LUZP2: variants seen among roughly 807,000 people sequenced by gnomAD.
LUZP2 encodes leucine zipper protein 2.
In LUZP2, 52 loss-of-function variants were observed where a neutral mutation model predicts 51.6. The observed-to-expected ratio is 1.01, with a 90% CI of 0.81 to 1.27. LUZP2 has a LOEUF of 1.27. LUZP2 is among the 50% of genes most tolerant of loss of function. LUZP2 has a pLI of 0.00. For missense variants in LUZP2, 436 were observed against 395.4 expected (o/e 1.10, Z -0.87); for synonymous variants, 154 against 137.3 (o/e 1.12, Z -0.85).
At chr11:24,582,536 G>A (rs1030891472) in intron 1 of LUZP2, among the ~76,000 whole-genome samples, 2 of 151,954 alleles carry the variant, frequency 1.3e-5, no homozygotes, top group African/African-American at 2.4e-5. Flanking sequence ...TTTATGTAAA[G>A]TAAAAATGAA....
chr11:24,998,862 G>C (rs2133938821), intron 9 of LUZP2, among the ~76,000 whole-genome samples: 1 of 152,034 alleles, frequency 6.6e-6, no homozygotes, highest in South Asian at 2.1e-4. Context: ...ATACTGTCAT[G>C]CATGCAGTCG....
intron 4 of LUZP2, among the ~76,000 whole-genome samples, chr11:24,740,508 T>G (rs1170239868): frequency 6.6e-6 from 1 of 152,126 alleles, no homozygotes; most frequent in Non-Finnish European, 1.5e-5. Context: ...AACTCATAAC[T>G]TAATATGTGC....
intron 5 of LUZP2, among the ~76,000 whole-genome samples, chr11:24,834,451 T>C (rs1017248307): frequency 6.6e-6 from 1 of 152,222 alleles, no homozygotes; most frequent in Non-Finnish European, 1.5e-5. Context: ...TGCATAGTAT[T>C]CCATGGTGTA....
intron 5 of LUZP2, among the ~76,000 whole-genome samples, chr11:24,774,902 A>T (rs1175766443): frequency 2.0e-5 from 3 of 149,302 alleles, no homozygotes; most frequent in African/African-American, 7.4e-5. Context: ...CCTCTAGAGA[A>T]TCGTGACTAA....
At chr11:24,980,488 A>G (rs973555199) in intron 8 of LUZP2, among the ~76,000 whole-genome samples, 13 of 151,662 alleles carry the variant, frequency 8.6e-5, no homozygotes, top group African/African-American at 3.1e-4. Context: ...TTCTCTTGTA[A>G]CAAAACACTA....
intron 5 of LUZP2, among the ~76,000 whole-genome samples, chr11:24,893,654 C>T (rs916879090): frequency 8.6e-5 from 13 of 151,796 alleles, no homozygotes; most frequent in East Asian, 5.8e-4. Context: ...ATATGGAAAG[C>T]GTTTTATTTT....
intron 7 of LUZP2, among the ~76,000 whole-genome samples, chr11:24,918,099 T>A (rs1853860396): frequency 6.6e-6 from 1 of 152,104 alleles, no homozygotes; most frequent in Non-Finnish European, 1.5e-5. Flanking sequence ...TTGAAGCAAT[T>A]GTGAATGGGA....
chr11:24,534,446 C>G (rs894427590), intron 1 of LUZP2, among the ~76,000 whole-genome samples: 1 of 140,332 alleles, frequency 7.1e-6, no homozygotes, highest in East Asian at 2.0e-4. Flanking sequence ...ATTTCTCTAT[C>G]TAGAAAGATA....
chr11:25,035,093 A>G (rs573533832), intron 9 of LUZP2, among the ~76,000 whole-genome samples: 1 of 152,230 alleles, frequency 6.6e-6, no homozygotes, highest in Non-Finnish European at 1.5e-5. Context: ...TGAAAATCAA[A>G]AAGCTTGAAC....
At chr11:24,642,773 TC>T (rs372101441) in intron 1 of LUZP2, among the ~76,000 whole-genome samples, 7 of 149,444 alleles carry the variant, frequency 4.7e-5, no homozygotes, top group East Asian at 1.9e-4. Context: ...AAGTGGTTTT[TC>T]TTTTGCCAAG....
chr11:24,826,004 T>G (rs1321479919), intron 5 of LUZP2, among the ~76,000 whole-genome samples: 5 of 151,218 alleles, frequency 3.3e-5, no homozygotes, highest in African/African-American at 7.3e-5. Context: ...AAACCCTGTC[T>G]CTACTAAAAA....
chr11:25,025,220 C>G (rs979638706), intron 9 of LUZP2, among the ~76,000 whole-genome samples: 1 of 152,134 alleles, frequency 6.6e-6, no homozygotes, highest in East Asian at 1.9e-4. Flanking sequence ...CAATACCATT[C>G]AGGTCATAGG....
At chr11:24,911,299 CT>C (rs1358596132) in intron 6 of LUZP2, among the ~76,000 whole-genome samples, 1 of 152,064 alleles carries the variant, frequency 6.6e-6, no homozygotes, top group Non-Finnish European at 1.5e-5. Flanking sequence ...GTTGGAAGGA[CT>C]GTTTTGAAAT....
chr11:25,040,065 A>C (rs2134004757), intron 9 of LUZP2, among the ~76,000 whole-genome samples: 1 of 152,264 alleles, frequency 6.6e-6, no homozygotes, highest in South Asian at 2.1e-4. Flanking sequence ...ACAACCTATA[A>C]ATATATAAAA....
chr11:25,054,370 G>T (rs1226093777), intron 10 of LUZP2, among the ~76,000 whole-genome samples: 1 of 151,962 alleles, frequency 6.6e-6, no homozygotes, highest in East Asian at 1.9e-4. Flanking sequence ...TCATGCTTTT[G>T]ATATATCTAA....
At chr11:24,826,450 G>A (rs902907662) in intron 5 of LUZP2, among the ~76,000 whole-genome samples, 23 of 151,180 alleles carry the variant, frequency 1.5e-4, no homozygotes, top group Non-Finnish European at 3.2e-4. Flanking sequence ...ACACTATGTC[G>A]AGCCTTCCTC....
chr11:24,976,687 A>G (rs778268137), intron 8 of LUZP2, 22 bp downstream of exon 8: 2 of 1,186,782 alleles, frequency 1.7e-6, no homozygotes. Context: ...TTCATGAACC[A>G]TTACAACTGT....
At chr11:24,729,480 A>G (rs184172041) in intron 2 of LUZP2, among the ~76,000 whole-genome samples, 194 bp downstream of exon 2, 1 of 152,136 alleles carries the variant, frequency 6.6e-6, no homozygotes, top group African/African-American at 2.4e-5. Flanking sequence ...TTTAACAAAT[A>G]CAGAAATGGG....
At chr11:25,016,210 A>G (rs894134119) in intron 9 of LUZP2, among the ~76,000 whole-genome samples, 1 of 151,902 alleles carries the variant, frequency 6.6e-6, no homozygotes, top group Non-Finnish European at 1.5e-5. Context: ...GTGAGCCACC[A>G]TGCCTGGCCA....
Sources: allele counts gnomAD v4.1 joint callset (sites outside exome capture counted in the v4.1 genomes callset), GRCh38; gene constraint gnomAD v4.1.1; transcripts MANE v1.5; gene names NCBI Gene and HGNC (gene_info 2026-07-23, HGNC 2026-07-21).